Variants in PSMD1 observed in about 807,000 individuals in gnomAD.
The protein encoded by PSMD1 is 26S proteasome non-ATPase regulatory subunit 1.
PSMD1 carries 18 observed loss-of-function variants against 119.0 expected under a neutral mutation model. The observed-to-expected ratio is 0.15, with a 90% CI of 0.10 to 0.22. The LOEUF is 0.22. PSMD1 is among the 10% of genes least tolerant of loss of function. The pLI is 1.00. For synonymous variants in PSMD1, 374 were observed against 396.6 expected (o/e 0.94, Z 0.68); for missense variants, 702 against 1,158.5 (o/e 0.61, Z 5.72).
rs969664260 is a variant in PSMD1 at position 231,155,279 on chromosome 2, T to C, written c.2218+1613T>C. 4.6e-5 allele frequency among the ~76,000 whole-genome samples: 7 copies of C among 152,356 alleles called. No homozygotes were observed. In the East Asian group the frequency reaches 1.2e-3, roughly 25 times the overall value. ...AGCCATTGAATTCTAAGAAAAACAC[T>C]GTTAGCCTTATTTGTTGCAGTCATT... On this transcript the variant is annotated intron_variant, in intron 19 of 24. Transcript: ENST00000308696.
chr2:231,072,347 T>G lies in PSMD1; in HGVS notation c.813T>G (p.Val271=). Residue 271 remains valine, a synonymous_variant, in exon 7 of 25, where the codon GTT becomes GTG. Coordinates refer to ENST00000308696, the MANE Select transcript of PSMD1 (RefSeq NM_002807.4). Reference sequence around the variant, plus strand: ...CTGTAATCCAGAATCTTCGAACTGTTGGCACCCCTATTGCTTCTGTGCCTG... The same window carrying G: ...CTGTAATCCAGAATCTTCGAACTGTGGGCACCCCTATTGCTTCTGTGCCTG... ...LSSVIQNLRT[V]GTPIASVPGS... The G allele has an allele frequency of 6.2e-7, 1 of 1,614,108 alleles. No individual in the cohort carries two copies. Among genetic ancestry groups the G allele is most frequent in the Non-Finnish European group, 8.5e-7 (1 of 1,179,954 alleles).
At chr2:231,069,802 ATAT>A (rs956390938) in intron 5 of PSMD1, among the ~76,000 whole-genome samples, 5 of 152,328 alleles carry the variant, frequency 3.3e-5, no homozygotes, top group African/African-American at 1.2e-4. Flanking sequence ...GTACCACTAA[ATAT>A]TATTTTTAAT....
At chr2:231,110,209 A>G (rs529272084) in intron 16 of PSMD1, among the ~76,000 whole-genome samples, 2 of 152,148 alleles carry the variant, frequency 1.3e-5, no homozygotes, top group East Asian at 3.9e-4. Context: ...ACTCCCAGCT[A>G]CTCAGGAGGC....
intron 16 of PSMD1, among the ~76,000 whole-genome samples, chr2:231,115,706 T>C (rs1265533261): frequency 6.6e-6 from 1 of 152,120 alleles, no homozygotes; most frequent in Admixed American, 6.6e-5. Context: ...TAAGTCTGAA[T>C]ATAGAGGTAA....
intron 4 of PSMD1, among the ~76,000 whole-genome samples, chr2:231,062,906 A>G (rs1693796243): frequency 6.6e-6 from 1 of 152,192 alleles, no homozygotes; most frequent in South Asian, 2.1e-4. Flanking sequence ...CTGTTAGAGG[A>G]AAAGATTAAA....
intron 18 of PSMD1, among the ~76,000 whole-genome samples, chr2:231,149,481 A>G (rs1696325374): frequency 6.6e-6 from 1 of 152,074 alleles, no homozygotes; most frequent in Admixed American, 6.5e-5. Context: ...AAAAACAAAC[A>G]AAAAAATCAC....
intron 5 of PSMD1, among the ~76,000 whole-genome samples, chr2:231,069,203 A>G (rs573710261): frequency 6.6e-6 from 1 of 152,234 alleles, no homozygotes; most frequent in Non-Finnish European, 1.5e-5. Context: ...AAAAAAAAGC[A>G]GAGTAACAAA....
intron 8 of PSMD1, 21 bp from the exon 9 acceptor site, chr2:231,077,013 T>C: frequency 1.3e-6 from 2 of 1,580,902 alleles, no homozygotes; most frequent in Non-Finnish European, 1.7e-6. Flanking sequence ...GTTTTCATTT[T>C]TTTTTTGTTT....
At position 231,072,169 on chromosome 2, in the gene PSMD1, G is replaced by A. The variant is rs1559219098; in HGVS notation, c.655-20G>A. On this transcript the variant is annotated intron_variant, in intron 6 of 24. Coordinates refer to ENST00000308696, the MANE Select transcript of PSMD1 (RefSeq NM_002807.4). ...TGAAGTTTTTAATTATTGAATAATT[G>A]TTCTTTATCTCCATTTCAGTGCTTA... 1.3e-6 allele frequency: 2 copies of A among 1,564,368 alleles called. No homozygotes were observed. Among genetic ancestry groups the A allele is most frequent in the Middle Eastern group, 1.7e-4 (1 of 5,884 alleles).
intron 19 of PSMD1, among the ~76,000 whole-genome samples, chr2:231,157,710 G>T (rs867207806): frequency 1.3e-5 from 2 of 151,862 alleles, no homozygotes; most frequent in Middle Eastern, 6.8e-3. Flanking sequence ...GGGACTACAG[G>T]TGCACACCGC....
At position 231,083,745 on chromosome 2, in the gene PSMD1, A is replaced by G; in HGVS notation, c.1704A>G (p.Glu568=). 1 of 1,614,104 alleles carries G rather than the reference A, an allele frequency of 6.2e-7. No individual in the cohort carries two copies. The highest frequency in any genetic ancestry group is 8.5e-7 in the Non-Finnish European group (1 of 1,180,010). The stretch of plus-strand genomic sequence containing the variant: ...TGGAAGAGGCTGATGCTCTCATTGA[A>G]TCTCTCTGTCGTGACAAGGTGAGAT... ...GRMEEADALI[E]SLCRDKDPIL... Residue 568 remains glutamate, a synonymous_variant, in exon 14 of 25, where the codon GAA becomes GAG. Coordinates refer to ENST00000308696, the MANE Select transcript of PSMD1 (RefSeq NM_002807.4).
intron 16 of PSMD1, among the ~76,000 whole-genome samples, chr2:231,098,115 T>C (rs1694769761): frequency 6.6e-6 from 1 of 152,240 alleles, no homozygotes; most frequent in Non-Finnish European, 1.5e-5. Context: ...TGCTTTCTTC[T>C]GCTAGCAAAG....
chr2:231,066,095 A>C (rs936162189), intron 4 of PSMD1, among the ~76,000 whole-genome samples: 45 of 152,250 alleles, frequency 3.0e-4, no homozygotes, highest in African/African-American at 1.1e-3. Flanking sequence ...GTTATATAAC[A>C]TCTAGGTTTG....
At chr2:231,084,035 G>A (rs547075144) in intron 14 of PSMD1, among the ~76,000 whole-genome samples, 1 of 152,150 alleles carries the variant, frequency 6.6e-6, no homozygotes, top group African/African-American at 2.4e-5. Context: ...AGGAATTCAC[G>A]AGTTGATTTC....
chr2:231,095,428 C>T (rs964085983), intron 16 of PSMD1, among the ~76,000 whole-genome samples: 1 of 152,214 alleles, frequency 6.6e-6, no homozygotes, highest in Non-Finnish European at 1.5e-5. Context: ...GTTTAAACCT[C>T]TTAGCTGTGT....
At chr2:231,107,961 C>T (rs537915708) in intron 16 of PSMD1, among the ~76,000 whole-genome samples, 5 of 152,298 alleles carry the variant, frequency 3.3e-5, no homozygotes, top group African/African-American at 1.2e-4. Context: ...TACTATCCTC[C>T]CTATCCCTTC....
At chr2:231,162,218 C>A (rs1461616120) in intron 20 of PSMD1, among the ~76,000 whole-genome samples, 1 of 152,264 alleles carries the variant, frequency 6.6e-6, no homozygotes, top group East Asian at 1.9e-4. Context: ...CTTGATGATT[C>A]ATCTTCTTGT....
chr2:231,072,589 A>T (rs992608971), intron 7 of PSMD1, among the ~76,000 whole-genome samples, 174 bp downstream of exon 7: 31 of 152,112 alleles, frequency 2.0e-4, no homozygotes, highest in Admixed American at 1.9e-3. Context: ...GGGTGTAGTA[A>T]GGAAAACCGA....
intron 17 of PSMD1, among the ~76,000 whole-genome samples, chr2:231,145,859 C>T (rs958271513): frequency 2.3e-5 from 3 of 127,896 alleles, no homozygotes; most frequent in African/African-American, 9.3e-5. Flanking sequence ...CGCCATTGCA[C>T]TCCAGTCTGG....
Sources: allele counts gnomAD v4.1 joint callset (sites outside exome capture counted in the v4.1 genomes callset), GRCh38; gene constraint gnomAD v4.1.1; transcripts MANE v1.5; gene names NCBI Gene and HGNC (gene_info 2026-07-23, HGNC 2026-07-21).